The following THSD7B variants were observed in gnomAD, a reference collection of about 807,000 sequenced individuals.
THSD7B encodes thrombospondin type 1 domain containing 7B.
In THSD7B, 138 loss-of-function variants were observed where a neutral mutation model predicts 213.6. The observed-to-expected ratio is 0.65, with a 90% CI of 0.56 to 0.74. The LOEUF (loss-of-function observed/expected upper bound fraction) is 0.74, where lower values mean the gene tolerates loss of function less well. Ranked by LOEUF, THSD7B falls within the 30% of genes least tolerant of loss-of-function variation. The pLI, the probability that THSD7B is intolerant of heterozygous loss-of-function variation, is 0.00. For missense variants in THSD7B, 1,931 were observed against 1,991.5 expected (o/e 0.97, Z 0.58); for synonymous variants, 742 against 687.0 (o/e 1.08, Z -1.25).
At chr2:137,284,915 T>C (rs1402945820) in intron 12 of THSD7B, among the ~76,000 whole-genome samples, 1 of 152,154 alleles carries the variant, frequency 6.6e-6, no homozygotes, top group Non-Finnish European at 1.5e-5. Flanking sequence ...GTCTATTAGG[T>C]CCACTTTGTG....
At chr2:137,047,161 A>G (rs1339140272) in intron 2 of THSD7B, among the ~76,000 whole-genome samples, 10 of 152,204 alleles carry the variant, frequency 6.6e-5, no homozygotes. Context: ...CCTTTCATCC[A>G]TGCGAGAGAA....
intron 15 of THSD7B, among the ~76,000 whole-genome samples, chr2:137,553,763 A>G (rs1015470666): frequency 6.6e-6 from 1 of 152,204 alleles, no homozygotes; most frequent in African/African-American, 2.4e-5. Context: ...ACATTTTCAT[A>G]TGATTCCCTG....
At chr2:137,096,465 A>G (rs1297712617) in intron 4 of THSD7B, among the ~76,000 whole-genome samples, 5 of 152,136 alleles carry the variant, frequency 3.3e-5, no homozygotes, top group Admixed American at 6.6e-5. Context: ...CCCAGTTGGA[A>G]CTAGTGTTGA....
At chr2:137,238,646 C>T (rs986885845) in intron 9 of THSD7B, among the ~76,000 whole-genome samples, 3 of 145,302 alleles carry the variant, frequency 2.1e-5, no homozygotes, top group South Asian at 2.2e-4. Context: ...CTCCGCTTCC[C>T]GGGTTCACGC....
intron 12 of THSD7B, among the ~76,000 whole-genome samples, chr2:137,404,555 TTATA>T: frequency 1.2e-5 from 1 of 85,318 alleles, no homozygotes; most frequent in Non-Finnish European, 2.9e-5. Flanking sequence ...TACTATATAT[TTATA>T]TACACACACT....
At chr2:136,796,038 A>G (rs1180162192) in intron 1 of THSD7B, among the ~76,000 whole-genome samples, 1 of 151,470 alleles carries the variant, frequency 6.6e-6, no homozygotes, top group South Asian at 2.1e-4. Context: ...CCCTCATCTC[A>G]CCTAAAAAGT....
chr2:137,380,431 T>C (rs1685747348), intron 12 of THSD7B, among the ~76,000 whole-genome samples: 1 of 152,176 alleles, frequency 6.6e-6, no homozygotes, highest in Admixed American at 6.5e-5. Context: ...TCCCACTCCC[T>C]TCTCAATACT....
chr2:137,023,047 T>C (rs932638371), intron 2 of THSD7B, among the ~76,000 whole-genome samples: 12 of 152,170 alleles, frequency 7.9e-5, no homozygotes, highest in Non-Finnish European at 1.5e-4. Flanking sequence ...AGAATGGCTC[T>C]ATCAAATATG....
Position 137,202,827 on chromosome 2 carries a change from A to T in THSD7B, c.1724-28217A>T, listed in dbSNP as rs528176915. Among the ~76,000 whole-genome samples, 4 of 152,234 alleles carry T rather than the reference A, an allele frequency of 2.6e-5. No homozygotes were observed. In the East Asian group the frequency reaches 7.8e-4, roughly 30 times the overall value. On this transcript the variant is annotated intron_variant, in intron 7 of 27. Coordinates refer to ENST00000409968, the MANE Select transcript of THSD7B (RefSeq NM_001316349.2). ...ATCTCAACTTCCAGATTTCTATTTG[A>T]CTCAGCAGTTTTCCTATGTCTTGAT...
intron 12 of THSD7B, among the ~76,000 whole-genome samples, chr2:137,363,570 C>G (rs1189271873): frequency 6.6e-6 from 1 of 152,086 alleles, no homozygotes; most frequent in Non-Finnish European, 1.5e-5. Flanking sequence ...CCACCGATCC[C>G]ACAGAAATAC....
At chr2:137,458,871 T>G (rs563194354) in intron 15 of THSD7B, among the ~76,000 whole-genome samples, 2 of 152,308 alleles carry the variant, frequency 1.3e-5, no homozygotes, top group South Asian at 4.1e-4. Context: ...ACACCATTCT[T>G]GCACCCACGC....
chr2:137,392,015 A>G (rs10198779), intron 12 of THSD7B, among the ~76,000 whole-genome samples: 34,493 of 152,066 alleles, frequency 0.23, 4,054 homozygotes, highest in South Asian at 0.27. Flanking sequence ...GATCGTTTAG[A>G]AATATGTTGT....
intron 12 of THSD7B, among the ~76,000 whole-genome samples, chr2:137,376,252 C>T (rs1454911438): frequency 6.6e-6 from 1 of 152,158 alleles, no homozygotes; most frequent in Non-Finnish European, 1.5e-5. Context: ...ATCTCGATAG[C>T]CTATTTCATG....
Position 136,911,945 on chromosome 2 carries a change from G to C in THSD7B, c.139+29628G>C, listed in dbSNP as rs1034973914. Among the ~76,000 whole-genome samples, 14 of 152,278 alleles carry C rather than the reference G, an allele frequency of 9.2e-5. No homozygotes were observed. The South Asian group carries it at 2.1e-3, about 23-fold the overall frequency. On this transcript the variant is annotated intron_variant, in intron 2 of 27. Coordinates refer to ENST00000409968, the MANE Select transcript of THSD7B (RefSeq NM_001316349.2). ...TGGATAAATGGATAGATGGATGGAT[G>C]GATGAATAGCAGGTCTGTGCATTAC...
In THSD7B at chr2:137,433,120, T is replaced by C. The variant is rs79538831; in HGVS notation, c.2960-17725T>C. The stretch of plus-strand genomic sequence containing the variant: ...ATTAAGAAAGTATATACACAGAATA[T>C]GTAATTTCAAATAGCCCTAAGTGCA... On this transcript the variant is annotated intron_variant, in intron 14 of 27. Coordinates refer to ENST00000409968, the MANE Select transcript of THSD7B (RefSeq NM_001316349.2). 8.7e-3 allele frequency among the ~76,000 whole-genome samples: 1,318 copies of C among 152,262 alleles called. 28 individuals are homozygous for C. The highest frequency in any genetic ancestry group is 0.031 in the African/African-American group (1,278 of 41,554).
chr2:136,818,925 A>G (rs1176009058), intron 1 of THSD7B, among the ~76,000 whole-genome samples: 1 of 152,176 alleles, frequency 6.6e-6, no homozygotes, highest in Non-Finnish European at 1.5e-5. Context: ...TGTTCTCAAT[A>G]TCCTAGCATC....
intron 14 of THSD7B, among the ~76,000 whole-genome samples, chr2:137,419,610 G>C (rs1163814270): frequency 7.3e-5 from 11 of 151,650 alleles, no homozygotes; most frequent in Non-Finnish European, 2.9e-5. Flanking sequence ...TAAAACAAAG[G>C]CACCACTCAA....
intron 13 of THSD7B, among the ~76,000 whole-genome samples, chr2:137,410,521 G>A (rs574887194): frequency 6.6e-6 from 1 of 152,156 alleles, no homozygotes; most frequent in East Asian, 1.9e-4. Context: ...CTCCCCCAGT[G>A]GCCTCCCAAA....
chr2:137,210,509 TTTTTC>T (rs1311790252), intron 7 of THSD7B, among the ~76,000 whole-genome samples: 5 of 152,186 alleles, frequency 3.3e-5, no homozygotes, highest in East Asian at 1.9e-4. Flanking sequence ...AGGAGACTCT[TTTTTC>T]TTTTCTTTTC....
Sources: allele counts gnomAD v4.1 joint callset (sites outside exome capture counted in the v4.1 genomes callset), GRCh38; gene constraint gnomAD v4.1.1; transcripts MANE v1.5; gene names NCBI Gene and HGNC (gene_info 2026-07-23, HGNC 2026-07-21).